DNER: variants seen among roughly 807,000 people sequenced by gnomAD.
The protein encoded by DNER is delta and Notch-like epidermal growth factor-related receptor.
A neutral mutation model predicts 78.2 loss-of-function variants in DNER; 33 were observed. The observed-to-expected ratio is 0.42, with a 90% confidence interval of 0.32 to 0.56. The LOEUF (loss-of-function observed/expected upper bound fraction) is 0.56, where lower values mean the gene tolerates loss of function less well. Ranked by LOEUF, DNER falls within the 20% of genes least tolerant of loss-of-function variation. The probability of loss-of-function intolerance (pLI) is 0.11; values close to 1 mark genes in which losing one functional copy is unlikely to be tolerated. For missense variants in DNER, 918 were observed against 975.3 expected, an observed-to-expected ratio of 0.94 and a Z score of 0.78; for synonymous variants, 417 against 384.8, an observed-to-expected ratio of 1.08 and a Z score of -0.98.
chr2:229,464,175 T>C (rs1258751736), intron 7 of DNER, among the ~76,000 whole-genome samples: 1 of 152,158 alleles, frequency 6.6e-6, no homozygotes, highest in Non-Finnish European at 1.5e-5. Context: ...GAAAACTTAA[T>C]TGGGACCACA....
intron 4 of DNER, among the ~76,000 whole-genome samples, chr2:229,563,016 C>G (rs2154213652): frequency 1.3e-5 from 2 of 150,968 alleles, no homozygotes; most frequent in South Asian, 4.2e-4. Context: ...CACCCCACCA[C>G]CATCATCATC....
At chr2:229,379,996 G>C (rs1692698713) in intron 11 of DNER, among the ~76,000 whole-genome samples, 1 of 152,174 alleles carries the variant, frequency 6.6e-6, no homozygotes, top group African/African-American at 2.4e-5. Context: ...ATGCTAAGGG[G>C]GAGGCCTATA....
At chr2:229,661,222 T>C (rs997495177) in intron 1 of DNER, among the ~76,000 whole-genome samples, 2 of 151,700 alleles carry the variant, frequency 1.3e-5, no homozygotes, top group African/African-American at 2.4e-5. Flanking sequence ...TAATCCATAA[T>C]TGTGTGTGTG....
chr2:229,502,423 T>A (rs1695640196), intron 6 of DNER, among the ~76,000 whole-genome samples: 1 of 113,126 alleles, frequency 8.8e-6, no homozygotes, highest in Non-Finnish European at 2.0e-5. Flanking sequence ...ATGCCAAAAC[T>A]GTACTGCTTG....
intron 4 of DNER, among the ~76,000 whole-genome samples, chr2:229,584,240 C>A (rs1400340657): frequency 1.3e-5 from 2 of 152,144 alleles, no homozygotes; most frequent in Non-Finnish European, 2.9e-5. Context: ...AGCTGACAAA[C>A]AACCCTGAGA....
At chr2:229,378,849 A>C (rs1692668811) in intron 11 of DNER, among the ~76,000 whole-genome samples, 1 of 152,138 alleles carries the variant, frequency 6.6e-6, no homozygotes, top group Non-Finnish European at 1.5e-5. Context: ...CCTCAGATCC[A>C]TTCCATTGAT....
At position 229,367,088 on chromosome 2, in the gene DNER, C is replaced by A. The variant is rs1208240046; in HGVS notation, c.1887G>T (p.Glu629Asp). Reference sequence around the variant, plus strand: ...AGTGCCGTGGCATGTTGGTGAGGCTCTCCGCCATGTGCCCGGACTTCCATT... The same window carrying A: ...AGTGCCGTGGCATGTTGGTGAGGCTATCCGCCATGTGCCCGGACTTCCATT... ...HLQWKSGHMAESLTNMPRHSL... is the reference protein window; with the variant it reads ...HLQWKSGHMADSLTNMPRHSL... The change falls in exon 12 of 13, where the codon GAG (glutamate) becomes GAT (aspartate). Residue 629 changes from glutamate to aspartate, a missense_variant. By Grantham distance (45) the Glu-to-Asp change is conservative. Coordinates refer to ENST00000341772, the MANE Select transcript of DNER (RefSeq NM_139072.4). 9 of 1,614,114 alleles carry A rather than the reference C, an allele frequency of 5.6e-6. No homozygotes were observed. Among genetic ancestry groups the A allele is most frequent in the Non-Finnish European group, 7.6e-6 (9 of 1,180,020 alleles).
chr2:229,475,229 A>G (rs1695006245), intron 7 of DNER, among the ~76,000 whole-genome samples: 1 of 152,134 alleles, frequency 6.6e-6, no homozygotes, highest in South Asian at 2.1e-4. Flanking sequence ...CATGGGACAA[A>G]GCTGGTGATA....
At chr2:229,433,495 T>G (rs1694061029) in intron 8 of DNER, among the ~76,000 whole-genome samples, 1 of 152,066 alleles carries the variant, frequency 6.6e-6, no homozygotes, top group Non-Finnish European at 1.5e-5. Flanking sequence ...AAGGCCAGAA[T>G]GAGGGAAAGT....
chr2:229,603,334 G>T (rs1697868219), intron 1 of DNER, among the ~76,000 whole-genome samples: 1 of 152,120 alleles, frequency 6.6e-6, no homozygotes, highest in South Asian at 2.1e-4. Context: ...AATGGGTGCA[G>T]CACACCAACA....
chr2:229,605,126 A>C (rs963945387), intron 1 of DNER, among the ~76,000 whole-genome samples: 10 of 152,200 alleles, frequency 6.6e-5, no homozygotes, highest in Middle Eastern at 3.2e-3. Context: ...CAAAAGAAAA[A>C]AATAATAACA....
intron 6 of DNER, among the ~76,000 whole-genome samples, chr2:229,499,909 A>C (rs1410411340): frequency 6.7e-6 from 1 of 149,952 alleles, no homozygotes; most frequent in Non-Finnish European, 1.5e-5. Context: ...AAATGGGCAA[A>C]AAATCTGAAT....
At chr2:229,521,055 AT>A (rs1696085867) in intron 5 of DNER, among the ~76,000 whole-genome samples, 2 of 152,242 alleles carry the variant, frequency 1.3e-5, no homozygotes, top group Admixed American at 1.3e-4. Context: ...AAGCAGAGGA[AT>A]TCCTGCTTAC....
chr2:229,696,537 A>T (rs1699664930), intron 1 of DNER, among the ~76,000 whole-genome samples: 1 of 152,180 alleles, frequency 6.6e-6, no homozygotes, highest in Non-Finnish European at 1.5e-5. Context: ...ACTTATTCCC[A>T]GTGGCTCAAG....
In DNER at chr2:229,686,756, G is replaced by A. The variant is rs115250784; in HGVS notation, c.276+27392C>T. 7.5e-3 allele frequency among the ~76,000 whole-genome samples: 1,149 copies of A among 152,276 alleles called. 10 individuals carry two copies. The highest frequency in any genetic ancestry group is 0.051 in the Middle Eastern group (15 of 294). ...ATTGCCATCCCAACAGTCCAGACACGAACCTCCTGACTGTCCTTAAAACCG... is the reference window on the plus strand; with the variant it reads ...ATTGCCATCCCAACAGTCCAGACACAAACCTCCTGACTGTCCTTAAAACCG... On this transcript the variant is annotated intron_variant, in intron 1 of 12. Transcript: ENST00000341772.
At chr2:229,501,533 T>G (rs1331244420) in intron 6 of DNER, among the ~76,000 whole-genome samples, 1 of 152,142 alleles carries the variant, frequency 6.6e-6, no homozygotes, top group Non-Finnish European at 1.5e-5. Context: ...GAAAATATTT[T>G]CCCTTACCAA....
At chr2:229,435,465 A>G (rs1225540857) in intron 8 of DNER, among the ~76,000 whole-genome samples, 1 of 152,254 alleles carries the variant, frequency 6.6e-6, no homozygotes, top group African/African-American at 2.4e-5. Flanking sequence ...ATGTTTTGTT[A>G]CACAGCAATG....
rs1006703387 is a variant in DNER at position 229,358,833 on chromosome 2, T to C, written c.2103-182A>G. On this transcript the variant is annotated intron_variant, in intron 12 of 12. Coordinates refer to ENST00000341772, the MANE Select transcript of DNER (RefSeq NM_139072.4). ...CTGAATGTGTATAAACATTAGTCTT[T>C]GGTGTTCGAGGCAAAAAAACATATT... 2.0e-5 allele frequency among the ~76,000 whole-genome samples: 3 copies of C among 152,256 alleles called. No homozygotes were observed. The South Asian group carries it at 6.2e-4, about 32-fold the overall frequency.
At position 229,447,350 on chromosome 2, in the gene DNER, G is replaced by A. The variant is rs775505179; in HGVS notation, c.1452C>T (p.Ser484=). The change falls in exon 8 of 13, where the codon AGC becomes AGT. Residue 484 remains serine, a synonymous_variant. Transcript: ENST00000341772. ...LSPCAHGTCR[S]VGTSYKCLCD... ...AGAGGCATTTGTAGCTGGTGCCCACGCTGCGGCACGTGCCATGAGCACAGG... is the reference window on the plus strand; with the variant it reads ...AGAGGCATTTGTAGCTGGTGCCCACACTGCGGCACGTGCCATGAGCACAGG... 19 of 1,609,286 alleles carry A rather than the reference G, an allele frequency of 1.2e-5. No homozygotes were observed. Among genetic ancestry groups the A allele is most frequent in the Middle Eastern group, 1.7e-4 (1 of 5,894 alleles).
Sources: allele counts gnomAD v4.1 joint callset (sites outside exome capture counted in the v4.1 genomes callset), GRCh38; gene constraint gnomAD v4.1.1; transcripts MANE v1.5; gene names NCBI Gene and HGNC (gene_info 2026-07-23, HGNC 2026-07-21).